The following CYBB variants were observed in gnomAD, a reference collection of about 807,000 sequenced individuals.
CYBB encodes the protein NADPH oxidase 2.
Under a neutral mutation model 46.5 loss-of-function variants are expected in CYBB, and 5 were observed. The ratio of observed to expected loss-of-function variants is 0.11; its 90% CI spans 0.06 to 0.23. The LOEUF (loss-of-function observed/expected upper bound fraction) is 0.23. Ranked by LOEUF, CYBB falls within the 10% of genes least tolerant of loss-of-function variation. CYBB has a pLI of 1.00. For synonymous variants in CYBB, 183 were observed against 156.7 expected (o/e 1.17, Z -1.26); for missense variants, 307 against 428.3 (o/e 0.72, Z 2.50).
chrX:37,803,754 T>C, intron 8 of CYBB, 123 bp from the exon 9 acceptor site: 1 of 672,416 alleles, frequency 1.5e-6, no homozygotes, highest in East Asian at 3.5e-5. Flanking sequence ...GAGGAACTCC[T>C]GTGTTGTCCC....
At chrX:37,780,624 T>A (rs1928930910) in intron 1 of CYBB, among the ~76,000 whole-genome samples, 1 of 110,723 alleles carries the variant, frequency 9.0e-6, no homozygotes, top group Non-Finnish European at 1.9e-5. Context: ...TTTTCAGAGA[T>A]CTAAACTTGA....
chrX:37,801,824 C>G (rs1556470120), intron 8 of CYBB, among the ~76,000 whole-genome samples: 1 of 110,531 alleles, frequency 9.0e-6, no homozygotes, highest in Non-Finnish European at 1.9e-5. Flanking sequence ...TTGTCTTTAC[C>G]ACCTTTTCTG....
At chrX:37,802,385 AG>A (rs1276374870) in intron 8 of CYBB, among the ~76,000 whole-genome samples, 12 of 112,022 alleles carry the variant, frequency 1.1e-4, no homozygotes, top group African/African-American at 3.6e-4. Context: ...CATACCTTTA[AG>A]GAAAACTTGT....
chrX:37,796,931 A>G (rs1208249781), intron 6 of CYBB, among the ~76,000 whole-genome samples: 1 of 111,728 alleles, frequency 9.0e-6, no homozygotes, highest in Non-Finnish European at 1.9e-5. Context: ...GTTCCTGGCT[A>G]TGTGGTTAGG....
chrX:37,798,859 G>A (rs1929371437), intron 6 of CYBB, 96 bp from the exon 7 acceptor site: 2 of 886,147 alleles, frequency 2.3e-6, no homozygotes, highest in African/African-American at 2.0e-5. Context: ...AAAGTACAGG[G>A]CCTACATCAG....
chrX:37,786,088 G>A (rs1298753010), intron 3 of CYBB, among the ~76,000 whole-genome samples: 2 of 112,287 alleles, frequency 1.8e-5, no homozygotes, highest in African/African-American at 3.2e-5. Context: ...TATAGATCAA[G>A]CATGTACTTT....
At chrX:37,788,641 CTGAGTATGTTGTTCGA>C (rs1929128115) in intron 3 of CYBB, among the ~76,000 whole-genome samples, 1 of 111,298 alleles carries the variant, frequency 9.0e-6, no homozygotes, top group Non-Finnish European at 1.9e-5. Context: ...AAACTGGAGA[CTGAGTATGTTGTTCGA>C]TGTCACACGG....
chrX:37,791,852 A>G, intron 3 of CYBB, 123 bp from the exon 4 acceptor site: 4 of 532,118 alleles, frequency 7.5e-6, no homozygotes, highest in Non-Finnish European at 1.3e-5. Flanking sequence ...TCAAATAGAT[A>G]TAATGATACA....
rs374931542 is a variant in CYBB at position 37,798,977 on chromosome X, G to T, written c.697G>T (p.Ala233Ser). ...CAGACGAATTGTACGTGGGCAGACC[G>T]CAGAGAGTTTGGCTGTGCATAATAT... ...GAERIVRGQT[A>S]ESLAVHNITV... Residue 233 changes from alanine (A) to serine (S), a missense_variant, in exon 7 of 13, where the codon GCA (alanine) becomes TCA (serine). Physicochemically the swap from Ala to Ser is moderately conservative, Grantham distance 99. This residue lies in a region of CYBB where 82 missense variants were observed against 69.9 expected (regional missense o/e 1.17). Coordinates refer to ENST00000378588, the MANE Select transcript of CYBB (RefSeq NM_000397.4). The T allele has an allele frequency of 6.6e-6, 8 of 1,207,541 alleles. No individual in the cohort carries two copies. Among genetic ancestry groups the T allele is most frequent in the Non-Finnish European group, 9.0e-6 (8 of 892,461 alleles).
At chrX:37,810,408 GA>G (rs1225904478) in intron 12 of CYBB, among the ~76,000 whole-genome samples, 2 of 112,257 alleles carry the variant, frequency 1.8e-5, no homozygotes, top group African/African-American at 6.5e-5. Flanking sequence ...AAAATTTAGA[GA>G]AATGAAGCCA....
intron 6 of CYBB, among the ~76,000 whole-genome samples, chrX:37,796,581 T>C (rs1929312938): frequency 8.9e-6 from 1 of 111,876 alleles, no homozygotes; most frequent in Admixed American, 9.5e-5. Flanking sequence ...ATTTATTTGT[T>C]GTCTACCATG....
rs372283009 is a variant in CYBB, at chrX:37,791,968, T to C, written c.253-7T>C. The C allele has an allele frequency of 4.2e-6, 5 of 1,192,327 alleles. No individual in the cohort carries two copies. The highest frequency in any genetic ancestry group is 5.7e-6 in the Non-Finnish European group (5 of 878,126). ...TACTATTCCATTCTTTCCCCCTTAATCCAAAGTGCTGCTCAACAAGAGTTC... is the reference window on the plus strand; with the variant it reads ...TACTATTCCATTCTTTCCCCCTTAACCCAAAGTGCTGCTCAACAAGAGTTC... On this transcript the variant is annotated splice_region_variant and splice_polypyrimidine_tract_variant and intron_variant, in intron 3 of 12. Transcript: ENST00000378588.
intron 3 of CYBB, among the ~76,000 whole-genome samples, chrX:37,785,420 T>G (rs1462727126): frequency 1.8e-5 from 2 of 112,619 alleles, no homozygotes; most frequent in Non-Finnish European, 3.8e-5. Flanking sequence ...CAAAAAATCT[T>G]CCAAATTTAA....
chrX:37,801,380 A>G (rs1569479718), intron 8 of CYBB, 32 bp downstream of exon 8: 1 of 963,335 alleles, frequency 1.0e-6, no homozygotes, highest in Non-Finnish European at 1.5e-6. Context: ...ACTAGTGGTC[A>G]GTGTCTAACT....
Position 37,791,923 on chromosome X carries a change from C to T in CYBB, c.253-52C>T, listed in dbSNP as rs373568377. The T allele has an allele frequency of 6.0e-4, 571 of 951,462 alleles. 1 individual carries two copies. The highest frequency in any genetic ancestry group is 8.3e-4 in the Non-Finnish European group (546 of 660,182). 78.4% of individuals were successfully genotyped at this position (951,462 alleles called of 1,213,427 possible). A position where few individuals can be genotyped will look rare whatever the true frequency, so the allele number is the denominator to read the frequency against. On this transcript the variant is annotated intron_variant, in intron 3 of 12. Coordinates refer to ENST00000378588, the MANE Select transcript of CYBB (RefSeq NM_000397.4). ...TATGTATCAAATGTTTGACACATAG[C>T]AAGCTTTCCTGTTAACAATTACTAT...
In CYBB at chrX:37,811,058, A is replaced by C. The variant is rs1929664283; in HGVS notation, c.*141A>C. 1 of 585,713 alleles carries C rather than the reference A, an allele frequency of 1.7e-6. No homozygotes were observed. The highest frequency in any genetic ancestry group is 2.3e-5 in the African/African-American group (1 of 44,156). 48.3% of individuals were successfully genotyped at this position (585,713 alleles called of 1,213,427 possible). A position where few individuals can be genotyped will look rare whatever the true frequency, so the allele number is the denominator to read the frequency against. On this transcript the variant is annotated 3_prime_UTR_variant, in exon 13 of 13. Transcript: ENST00000378588. ...ATGGTTTTCCCTTAAAGGAATGTCA[A>C]AGATTGTTTGATAGTGATAAGTTAC...
At chrX:37,789,637 A>G (rs1929153070) in intron 3 of CYBB, among the ~76,000 whole-genome samples, 1 of 100,560 alleles carries the variant, frequency 9.9e-6, no homozygotes, top group Admixed American at 1.1e-4. Context: ...AATAATTTTC[A>G]GCACTTGTAA....
intron 4 of CYBB, among the ~76,000 whole-genome samples, chrX:37,792,893 C>T (rs981838334): frequency 2.7e-5 from 3 of 109,972 alleles, no homozygotes; most frequent in Non-Finnish European, 5.7e-5. Flanking sequence ...GCATAGTGTA[C>T]GGATTAAGAG....
chrX:37,811,786 G>T lies in CYBB; in HGVS notation c.*869G>T, dbSNP rs1195551098. The T allele has an allele frequency of 8.9e-6, 1 of 111,781 alleles. No homozygotes were observed. Among genetic ancestry groups the T allele is most frequent in the African/African-American group, 3.3e-5 (1 of 30,707 alleles). 9.2% of individuals were successfully genotyped at this position (111,781 alleles called of 1,213,427 possible). ...TCCCTAGGGTCAAGAACAGGCTAAG[G>T]ATACTAACCAATAGGATTGCCTGAA... is the stretch of plus-strand genomic sequence containing the variant. On this transcript the variant is annotated 3_prime_UTR_variant, in exon 13 of 13. Coordinates refer to ENST00000378588, the MANE Select transcript of CYBB (RefSeq NM_000397.4).
Sources: allele counts gnomAD v4.1 joint callset (sites outside exome capture counted in the v4.1 genomes callset), GRCh38; gene constraint gnomAD v4.1.1; regional missense constraint gnomAD v4.1.1; transcripts MANE v1.5; gene names NCBI Gene and HGNC (gene_info 2026-07-23, HGNC 2026-07-21).